The following ANK2 variants were observed in gnomAD, a reference collection of about 807,000 sequenced individuals.
ANK2 encodes the protein ankyrin 2.
In ANK2, 83 loss-of-function variants were observed where a neutral mutation model predicts 360.5. The ratio of observed to expected loss-of-function variants is 0.23; its 90% confidence interval spans 0.19 to 0.28. The LOEUF is 0.28. Among genes scored for constraint, ANK2 ranks in the 10% least tolerant of loss-of-function variants. ANK2 has a pLI of 1.00. For missense variants in ANK2, 4,201 were observed against 4,795.7 expected (o/e 0.88, Z 3.66); for synonymous variants, 1,740 against 1,759.5 (o/e 0.99, Z 0.28).
At chr4:113,147,839 A>G (rs774512751) in intron 1 of ANK2, among the ~76,000 whole-genome samples, 35 of 152,258 alleles carry the variant, frequency 2.3e-4, no homozygotes, top group Non-Finnish European at 4.6e-4. Flanking sequence ...GCTCCAAAAA[A>G]GAGGAAGCAT....
chr4:112,751,796 A>C, the ANK2 span, among the ~76,000 whole-genome samples: 3 of 152,186 alleles, frequency 2.0e-5, no homozygotes, highest in Non-Finnish European at 4.4e-5. Flanking sequence ...GGAGGTGTTA[A>C]GGACTTAAGA....
rs372563162 is a variant in ANK2, at chr4:112,828,669, T to G, written c.-40+10405T>G. Among the ~76,000 whole-genome samples the G allele has an allele frequency of 3.9e-4, 60 of 152,130 alleles. 2 individuals are homozygous for G. The South Asian group carries it at 0.012, about 32-fold the overall frequency. On this transcript the variant is annotated intron_variant, in intron 1 of 30. Transcript: ENST00000503271. ...AAGCAATTGCAACAAAACAAAAAATTGACAAATGGGACCTAATTAAAGTAA... is the reference window on the plus strand; with the variant it reads ...AAGCAATTGCAACAAAACAAAAAATGGACAAATGGGACCTAATTAAAGTAA...
At chr4:112,807,517 A>G in the ANK2 span, among the ~76,000 whole-genome samples, 2 of 152,196 alleles carry the variant, frequency 1.3e-5, no homozygotes, top group Non-Finnish European at 2.9e-5. Flanking sequence ...AATTTTATCC[A>G]TGTTTTTAGA....
the ANK2 span, among the ~76,000 whole-genome samples, chr4:112,791,129 G>A: frequency 9.1e-4 from 139 of 152,324 alleles, no homozygotes; most frequent in Non-Finnish European, 1.5e-3. Flanking sequence ...GCAGCAGGAA[G>A]TAGATATCTC....
chr4:113,132,204 A>G (rs2096083251), intron 1 of ANK2, among the ~76,000 whole-genome samples: 1 of 152,188 alleles, frequency 6.6e-6, no homozygotes, highest in Non-Finnish European at 1.5e-5. Context: ...TGGAATTGTT[A>G]TGATATGATG....
chr4:112,791,034 T>C, the ANK2 span, among the ~76,000 whole-genome samples: 2 of 152,224 alleles, frequency 1.3e-5, no homozygotes, highest in Non-Finnish European at 2.9e-5. Context: ...TGCATCTCTT[T>C]ATTTGAAGAA....
intron 34 of ANK2, among the ~76,000 whole-genome samples, chr4:113,344,304 G>A (rs2094588886): frequency 6.6e-6 from 1 of 152,126 alleles, no homozygotes; most frequent in Non-Finnish European, 1.5e-5. Context: ...ATGTTCAACA[G>A]CGTAGGGAAA....
At chr4:112,970,270 A>T (rs145629378) in intron 2 of ANK2, among the ~76,000 whole-genome samples, 2,791 of 152,182 alleles carry the variant, frequency 0.018, 43 homozygotes, top group Non-Finnish European at 0.031. Context: ...ATGCCTGGCA[A>T]GACATATAAA....
intron 4 of ANK2, among the ~76,000 whole-genome samples, chr4:113,224,795 GAGTGGTAATATTGTAGTTTTCTATATTA>G (rs2099195042): frequency 6.6e-6 from 1 of 151,558 alleles, no homozygotes; most frequent in Non-Finnish European, 1.5e-5. Flanking sequence ...ATCTTTAGCT[GAGTGGTAATATTGTAGTTTTCTATATTA>G]AGTGGTAAAA....
At chr4:112,796,887 A>T in the ANK2 span, among the ~76,000 whole-genome samples, 2 of 152,234 alleles carry the variant, frequency 1.3e-5, no homozygotes, top group Non-Finnish European at 2.9e-5. Flanking sequence ...AAGTAGAAGA[A>T]GTTAAATTTT....
At chr4:113,193,634 T>A (rs2098705033) in intron 2 of ANK2, among the ~76,000 whole-genome samples, 1 of 152,220 alleles carries the variant, frequency 6.6e-6, no homozygotes. Flanking sequence ...ATATTTCACA[T>A]CTATTTGTAT....
intron 1 of ANK2, among the ~76,000 whole-genome samples, chr4:112,889,951 T>C (rs2079483281): frequency 6.6e-6 from 1 of 152,256 alleles, no homozygotes. Context: ...AATTTATTTC[T>C]TCTTTTTATA....
chr4:113,374,656 C>A (rs1204700748), intron 45 of ANK2: 3 of 686,214 alleles, frequency 4.4e-6, no homozygotes, highest in Non-Finnish European at 5.5e-6. Flanking sequence ...TCTGGAAAGC[C>A]AGTATGTAAC....
upstream of ANK2, among the ~76,000 whole-genome samples, chr4:112,813,340 A>G (rs1003550303): frequency 6.6e-6 from 1 of 152,134 alleles, no homozygotes; most frequent in Middle Eastern, 3.4e-3. Context: ...AAACACTTCA[A>G]CATGTTTCCC....
intron 1 of ANK2, among the ~76,000 whole-genome samples, chr4:113,090,480 T>C (rs2087331113): frequency 6.6e-6 from 1 of 152,184 alleles, no homozygotes. Context: ...CCCTGAACTA[T>C]CTGTTCTTAA....
In ANK2 at chr4:113,309,121, A is replaced by G. The variant is rs143118327; in HGVS notation, c.2549-2134A>G. On this transcript the variant is annotated intron_variant, in intron 23 of 45. Transcript: ENST00000357077. ...TCACTTTCCATCTTTCACTGCTGGT[A>G]TGTATTACTGAATAGCATGATTTAT... Among the ~76,000 whole-genome samples, 38 of 152,272 alleles carry G rather than the reference A, an allele frequency of 2.5e-4. No homozygotes were observed. The East Asian group carries it at 6.6e-3, about 26-fold the overall frequency.
the ANK2 span, among the ~76,000 whole-genome samples, chr4:112,724,589 A>ACACACC: frequency 3.4e-5 from 5 of 148,180 alleles, no homozygotes; most frequent in East Asian, 2.0e-4. Context: ...ACACACACAC[A>ACACACC]CCACACCATC....
At chr4:112,729,044 A>C in the ANK2 span, among the ~76,000 whole-genome samples, 1 of 152,062 alleles carries the variant, frequency 6.6e-6, no homozygotes, top group African/African-American at 2.4e-5. Flanking sequence ...CCATTTCTAC[A>C]AAAAATTTAA....
intron 1 of ANK2, among the ~76,000 whole-genome samples, chr4:113,091,586 C>T (rs572442094): frequency 3.3e-5 from 5 of 152,298 alleles, no homozygotes; most frequent in African/African-American, 1.2e-4. Flanking sequence ...ATCAGCACTA[C>T]AGAAAATTAT....
Sources: gnomAD v4.1 joint callset for allele counts (sites outside exome capture counted in the v4.1 genomes callset) on GRCh38, gnomAD v4.1.1 for gene constraint, MANE v1.5 for transcripts, NCBI Gene and HGNC (gene_info 2026-07-23, HGNC 2026-07-21) for gene names.